RELN: variants seen among roughly 807,000 people sequenced by gnomAD.
RELN encodes the protein reelin.
RELN carries 108 observed loss-of-function variants against 427.6 expected under a neutral mutation model. That is an observed-to-expected ratio of 0.25 (90% CI 0.22 to 0.30). RELN has a LOEUF of 0.30. Among genes scored for constraint, RELN ranks in the 10% least tolerant of loss-of-function variants. The pLI is 1.00. For synonymous variants in RELN, 1,524 were observed against 1,513.4 expected (o/e 1.01, Z -0.16); for missense variants, 3,715 against 4,302.8 (o/e 0.86, Z 3.82).
chr7:103,973,548 C>T (rs1796807470), intron 1 of RELN, among the ~76,000 whole-genome samples: 2 of 151,804 alleles, frequency 1.3e-5, no homozygotes, highest in South Asian at 4.1e-4. Context: ...AAAACCACAA[C>T]TTAGGGAAAA....
intron 7 of RELN, among the ~76,000 whole-genome samples, chr7:103,725,669 T>C (rs1207245716): frequency 6.6e-6 from 1 of 152,180 alleles, no homozygotes; most frequent in Non-Finnish European, 1.5e-5. Flanking sequence ...TTCCTTTAAA[T>C]GAGTGAGAAA....
chr7:103,955,590 C>G (rs753939195), intron 1 of RELN, among the ~76,000 whole-genome samples: 32 of 152,168 alleles, frequency 2.1e-4, no homozygotes, highest in Non-Finnish European at 2.9e-5. Context: ...TATTTGGCTT[C>G]TTTGCTGCAC....
chr7:103,904,170 G>A (rs535136336), intron 2 of RELN, among the ~76,000 whole-genome samples: 4 of 152,186 alleles, frequency 2.6e-5, no homozygotes, highest in African/African-American at 7.2e-5. Context: ...CCATGTCCCT[G>A]CAAAGGACAT....
chr7:103,562,933 C>A (rs1830673023), intron 34 of RELN, among the ~76,000 whole-genome samples: 1 of 152,198 alleles, frequency 6.6e-6, no homozygotes, highest in South Asian at 2.1e-4. Context: ...TATATTCTGG[C>A]AACACTGAGC....
intron 1 of RELN, among the ~76,000 whole-genome samples, chr7:103,950,777 T>C (rs922642208): frequency 6.6e-6 from 1 of 152,236 alleles, no homozygotes; most frequent in South Asian, 2.1e-4. Context: ...CTTTCCAATG[T>C]TGGATAACAC....
intron 4 of RELN, among the ~76,000 whole-genome samples, chr7:103,754,416 C>T (rs755328801): frequency 2.0e-5 from 3 of 151,618 alleles, no homozygotes; most frequent in Non-Finnish European, 4.4e-5. Context: ...ATTAGGAAAT[C>T]GTTATCAAGC....
chr7:103,931,384 T>C (rs995045852), intron 1 of RELN, among the ~76,000 whole-genome samples: 3 of 152,186 alleles, frequency 2.0e-5, no homozygotes, highest in Non-Finnish European at 4.4e-5. Context: ...CTATAAAGCA[T>C]TTGAGTCTTC....
chr7:103,708,622 C>A (rs1379423276), intron 8 of RELN, among the ~76,000 whole-genome samples: 1 of 151,804 alleles, frequency 6.6e-6, no homozygotes, highest in Non-Finnish European at 1.5e-5. Context: ...CGCCAACACG[C>A]CCGGCTAATT....
Position 103,611,536 on chromosome 7 carries a change from A to AT in RELN, c.2895+74dup, listed in dbSNP as rs10673432. 184,220 of 921,784 alleles carry AT rather than the reference A, an allele frequency of 0.2. 3,346 individuals are homozygous for AT. Among genetic ancestry groups the AT allele is most frequent in the East Asian group, 0.3 (10,721 of 35,472 alleles). 57.1% of individuals were successfully genotyped at this position (921,784 alleles called of 1,614,324 possible). On this transcript the variant is annotated intron_variant, in intron 21 of 64. Coordinates refer to ENST00000428762, the MANE Select transcript of RELN (RefSeq NM_005045.4). The stretch of plus-strand genomic sequence containing the variant: ...CCAAACCTAAACTTCTAGAACTGTA[A>AT]TTTTTTTTTTTTTTGGCTTCCTAGG...
intron 3 of RELN, among the ~76,000 whole-genome samples, chr7:103,786,926 T>G (rs1459019841): frequency 1.3e-5 from 2 of 152,116 alleles, no homozygotes; most frequent in African/African-American, 4.8e-5. Context: ...ATCACACTTA[T>G]TCTAAAATTG....
At chr7:103,903,412 G>A (rs6951507) in intron 2 of RELN, among the ~76,000 whole-genome samples, 393 of 152,088 alleles carry the variant, frequency 2.6e-3, no homozygotes, top group African/African-American at 9.1e-3. Flanking sequence ...ACATGAGAAA[G>A]TATCCCATGT....
chr7:103,616,894 A>G (rs1336958392), intron 20 of RELN, among the ~76,000 whole-genome samples: 3 of 152,116 alleles, frequency 2.0e-5, no homozygotes, highest in Admixed American at 6.5e-5. Flanking sequence ...CACTTGTCCA[A>G]TTATTTTCTT....
chr7:103,730,561 T>C (rs1790329126), intron 6 of RELN, among the ~76,000 whole-genome samples: 1 of 151,984 alleles, frequency 6.6e-6, no homozygotes, highest in African/African-American at 2.4e-5. Flanking sequence ...AACAATCCAC[T>C]AGACGCTTCT....
chr7:103,694,645 C>A (rs1020644907), intron 10 of RELN, among the ~76,000 whole-genome samples: 8 of 151,936 alleles, frequency 5.3e-5, no homozygotes, highest in African/African-American at 1.9e-4. Context: ...TAAATAGCTC[C>A]ATTTTATAAT....
At chr7:103,545,096 C>A (rs184066417) in intron 42 of RELN, 28 bp downstream of exon 42, 2 of 1,569,722 alleles carry the variant, frequency 1.3e-6, no homozygotes, top group South Asian at 1.1e-5. Flanking sequence ...TTTCACAAGA[C>A]TACATAGAAT....
chr7:103,904,975 C>CTTTTTTTTTTTTTTTTTTTTTTTTTTTTT, intron 2 of RELN, among the ~76,000 whole-genome samples: 1 of 77,328 alleles, frequency 1.3e-5, no homozygotes, highest in Non-Finnish European at 2.4e-5. Context: ...AAGTTCTTTC[C>CTTTTTTTTTTTTTTTTTTTTTTTTTTTTT]TTTTTTTTTT....
At chr7:103,617,730 C>A (rs73402418) in intron 20 of RELN, among the ~76,000 whole-genome samples, 4,550 of 151,788 alleles carry the variant, frequency 0.03, 219 homozygotes, top group African/African-American at 0.1. Context: ...GGATGTTTGT[C>A]CCTCCAAATC....
intron 10 of RELN, 21 bp from the exon 11 acceptor site, chr7:103,682,282 CG>C (rs1328447180): frequency 1.2e-6 from 2 of 1,613,482 alleles, no homozygotes; most frequent in African/African-American, 1.3e-5. Flanking sequence ...AAAGAGAGCA[CG>C]GGGTGGCTGT....
chr7:103,490,810 C>A lies in RELN; in HGVS notation c.9463G>T (p.Val3155Leu). The A allele has an allele frequency of 1.2e-6, 2 of 1,614,114 alleles. No individual in the cohort carries two copies. Among genetic ancestry groups the A allele is most frequent in the Non-Finnish European group, 1.7e-6 (2 of 1,180,016 alleles). Residue 3155 changes from valine (V) to leucine (L), a missense_variant, in exon 59 of 65, where the codon GTA (valine) becomes TTA (leucine). Val to Leu is a conservative substitution (Grantham distance 32). Around this residue, in one of 4 missense-constraint regions of RELN, gnomAD observed 1,310 missense variants for 1,643.0 expected, o/e 0.80. Coordinates refer to ENST00000428762, the MANE Select transcript of RELN (RefSeq NM_005045.4). ...GAGGAAGGAAGGCACTGGGTCTGTA[C>A]GAGCTGCCAGGAATCCGATCTGCAG... The part of the protein sequence containing the change: ...KDARSDSWQL[V>L]QTQCLPSSSN...
Sources: allele counts gnomAD v4.1 joint callset (sites outside exome capture counted in the v4.1 genomes callset), GRCh38; gene constraint gnomAD v4.1.1; regional missense constraint gnomAD v4.1.1; transcripts MANE v1.5; gene names NCBI Gene and HGNC (gene_info 2026-07-23, HGNC 2026-07-21).